ANKRD30A: variants seen among roughly 807,000 people sequenced by gnomAD.
The protein encoded by ANKRD30A is ankyrin repeat domain-containing protein 30A.
Under a neutral mutation model 166.3 loss-of-function variants are expected in ANKRD30A, and 170 were observed. The ratio of observed to expected loss-of-function variants is 1.02; its 90% CI spans 0.90 to 1.16. ANKRD30A has a LOEUF of 1.16. Ranked by LOEUF, ANKRD30A falls within the 50% of genes most tolerant of loss-of-function variation. ANKRD30A has a pLI of 0.00. For missense variants in ANKRD30A, 1,630 were observed against 1,518.0 expected, an observed-to-expected ratio of 1.07 and a Z score of -1.23; for synonymous variants, 564 against 508.9, an observed-to-expected ratio of 1.11 and a Z score of -1.46.
At chr10:37,218,029 AT>A in intron 33 of ANKRD30A, 151 bp downstream of exon 33, 1 of 514,508 alleles carries the variant, frequency 1.9e-6, no homozygotes. Flanking sequence ...AGCTACAGTT[AT>A]TTATTATAAG....
At chr10:37,195,285 C>A (rs1840985348) in intron 27 of ANKRD30A, among the ~76,000 whole-genome samples, 1 of 152,012 alleles carries the variant, frequency 6.6e-6, no homozygotes, top group South Asian at 2.1e-4. Flanking sequence ...CAAACAAAAT[C>A]AAAATTTTGT....
At chr10:37,161,447 A>G (rs575756073) in intron 15 of ANKRD30A, among the ~76,000 whole-genome samples, 5 of 151,942 alleles carry the variant, frequency 3.3e-5, no homozygotes, top group Non-Finnish European at 7.4e-5. Flanking sequence ...GTTTTTTTTT[A>G]TTTTCTGTTT....
At chr10:37,212,211 G>C (rs924043627) in intron 31 of ANKRD30A, among the ~76,000 whole-genome samples, 14 of 151,824 alleles carry the variant, frequency 9.2e-5, no homozygotes, top group Admixed American at 2.6e-4. Context: ...CACAAGCATT[G>C]TTATACACCA....
chr10:37,198,277 T>C (rs1841322723), intron 29 of ANKRD30A, among the ~76,000 whole-genome samples: 1 of 152,094 alleles, frequency 6.6e-6, no homozygotes, highest in African/African-American at 2.4e-5. Context: ...TTGTGCAGTG[T>C]AATGTTCGGC....
intron 30 of ANKRD30A, among the ~76,000 whole-genome samples, 188 bp from the exon 31 acceptor site, chr10:37,201,047 G>A: frequency 6.6e-6 from 1 of 151,964 alleles, no homozygotes; most frequent in East Asian, 1.9e-4. Context: ...ATAAAGATCA[G>A]CTTGATGTAG....
downstream of ANKRD30A, among the ~76,000 whole-genome samples, chr10:37,236,394 G>T (rs1477827190): frequency 1.3e-5 from 2 of 152,150 alleles, no homozygotes; most frequent in African/African-American, 4.8e-5. Flanking sequence ...GCAGTTGAAA[G>T]AAAGAATTGC....
intron 13 of ANKRD30A, among the ~76,000 whole-genome samples, chr10:37,154,573 A>G (rs1838221521): frequency 6.6e-6 from 1 of 152,182 alleles, no homozygotes. Flanking sequence ...TAGAAATTAT[A>G]GATGGAAGAT....
At chr10:37,208,014 T>G (rs149051725) in intron 31 of ANKRD30A, among the ~76,000 whole-genome samples, 306 of 152,192 alleles carry the variant, frequency 2.0e-3, no homozygotes, top group Non-Finnish European at 3.6e-3. Flanking sequence ...ATGGTGACTA[T>G]CAGACATAGT....
the ANKRD30A span, chr10:37,262,591 A>C: frequency 6.5e-6 from 1 of 154,348 alleles, no homozygotes; most frequent in East Asian, 1.9e-4. Flanking sequence ...TTTTCATGCT[A>C]TGATTTATTT....
chr10:37,130,335 C>T lies in ANKRD30A; in HGVS notation c.467C>T (p.Ala156Val). The T allele has an allele frequency of 6.3e-7, 1 of 1,578,888 alleles. No homozygotes were observed. Among genetic ancestry groups the T allele is most frequent in the Middle Eastern group, 1.7e-4 (1 of 5,946 alleles). ...AVYSEILSVV[A>V]KLLSHGAVIE... ...TATAGTGAGATTTTGTCAGTGGTGG[C>T]AAAACTGCTGTCCCATGGTGCAGTC... The change falls in exon 3 of 36, where the codon GCA (alanine) becomes GTA (valine). Residue 156 changes from alanine (A) to valine (V), a missense_variant. Transcript: ENST00000361713.
chr10:37,224,350 A>AT (rs1039028102), intron 34 of ANKRD30A, among the ~76,000 whole-genome samples: 8 of 150,270 alleles, frequency 5.3e-5, no homozygotes, highest in South Asian at 2.1e-4. Flanking sequence ...AGTCTCTTTG[A>AT]TTTTTTTTAG....
intron 30 of ANKRD30A, 93 bp from the exon 31 acceptor site, chr10:37,201,142 T>A (rs1392759787): frequency 8.3e-6 from 9 of 1,089,172 alleles, no homozygotes; most frequent in Non-Finnish European, 1.1e-5. Context: ...AATAGGACTT[T>A]TTTTTAAAAA....
intron 24 of ANKRD30A, among the ~76,000 whole-genome samples, chr10:37,183,635 C>G (rs1840187955): frequency 1.4e-5 from 2 of 147,568 alleles, no homozygotes; most frequent in African/African-American, 4.9e-5. Flanking sequence ...GACTTTTCAT[C>G]TGTTTACATG....
intron 15 of ANKRD30A, among the ~76,000 whole-genome samples, chr10:37,159,764 C>A (rs189628939): frequency 9.2e-5 from 14 of 152,128 alleles, no homozygotes; most frequent in African/African-American, 3.4e-4. Flanking sequence ...GGCGCGATCT[C>A]GGCTCACGCA....
chr10:37,158,367 A>G (rs1431476639), intron 13 of ANKRD30A, 25 bp from the exon 14 acceptor site: 11 of 1,602,574 alleles, frequency 6.9e-6, no homozygotes, highest in Non-Finnish European at 9.4e-6. Context: ...CATATAATCA[A>G]TTATGTATGT....
chr10:37,166,364 T>C (rs2132611551), intron 18 of ANKRD30A, among the ~76,000 whole-genome samples: 1 of 152,328 alleles, frequency 6.6e-6, no homozygotes, highest in South Asian at 2.1e-4. Context: ...GGTGATTTGT[T>C]TTTCCTGCTC....
chr10:37,129,447 T>C (rs1411381056), intron 1 of ANKRD30A, among the ~76,000 whole-genome samples: 1 of 152,182 alleles, frequency 6.6e-6, no homozygotes, highest in Non-Finnish European at 1.5e-5. Flanking sequence ...CTTTGTTAAG[T>C]AGTAGTAATA....
chr10:37,217,740 A>G lies in ANKRD30A; in HGVS notation c.3129A>G (p.Ile1043Met). 1.3e-6 allele frequency: 2 copies of G among 1,595,114 alleles called. No individual in the cohort carries two copies. The highest frequency in any genetic ancestry group is 2.3e-5 in the East Asian group (1 of 44,166). ...QEEEKRRNADILNEKIREELG... is the reference protein window; with the variant it reads ...QEEEKRRNADMLNEKIREELG... ...AAGAGAAGAGAAGAAATGCCGATATATTAAATGAAAAAATTAGGGAAGAAT... is the reference window on the plus strand; with the variant it reads ...AAGAGAAGAGAAGAAATGCCGATATGTTAAATGAAAAAATTAGGGAAGAAT... The change falls in exon 33 of 36, where the codon ATA (isoleucine) becomes ATG (methionine). Residue 1043 changes from isoleucine (I) to methionine (M), a missense_variant. Around this residue, in one of 4 missense-constraint regions of ANKRD30A, gnomAD observed 712 missense variants for 629.3 expected, o/e 1.13. Transcript: ENST00000361713.
the ANKRD30A span, among the ~76,000 whole-genome samples, chr10:37,265,513 A>T: frequency 6.6e-6 from 1 of 152,068 alleles, no homozygotes; most frequent in African/African-American, 2.4e-5. Context: ...CAGTCTTCCC[A>T]CTTCTAATCT....
Sources: allele counts gnomAD v4.1 joint callset (sites outside exome capture counted in the v4.1 genomes callset), GRCh38; gene constraint gnomAD v4.1.1; regional missense constraint gnomAD v4.1.1; transcripts MANE v1.5; gene names NCBI Gene and HGNC (gene_info 2026-07-23, HGNC 2026-07-21).